DDX60: variants seen among roughly 807,000 people sequenced by gnomAD.
The protein encoded by DDX60 is DExD/H-box helicase 60.
In DDX60, 165 loss-of-function variants were observed where a neutral mutation model predicts 212.8. That is an observed-to-expected ratio of 0.78 (90% confidence interval 0.68 to 0.88). The LOEUF is 0.88. Ranked by LOEUF, DDX60 falls within the 40% of genes least tolerant of loss-of-function variation. The pLI, the probability that DDX60 is intolerant of heterozygous loss-of-function variation, is 0.00. For synonymous variants in DDX60, 703 were observed against 685.3 expected, an observed-to-expected ratio of 1.03 and a Z score of -0.40; for missense variants, 1,905 against 2,003.9, an observed-to-expected ratio of 0.95 and a Z score of 0.94.
chr4:168,311,429 G>A (rs1425431327), intron 1 of DDX60, 64 bp from the exon 2 acceptor site: 2 of 611,690 alleles, frequency 3.3e-6, no homozygotes, highest in Non-Finnish European at 2.9e-6. Flanking sequence ...ACTACTATAT[G>A]TAAAGCAAAA....
chr4:168,273,392 C>T lies in DDX60; in HGVS notation c.2461G>A (p.Val821Ile). Residue 821 changes from valine (V) to isoleucine (I), a missense_variant, in exon 18 of 38, where the codon GTT becomes ATT. By Grantham distance (29) the Val-to-Ile change is conservative (BLOSUM62 3). Transcript: ENST00000393743. ...VVYVAPTKAL[V>I]NQVAATVQNR... The stretch of plus-strand genomic sequence containing the variant: ...TGAACAGTTGCTGCCACTTGATTAA[C>T]AAGGGCCTGATTGACAAAGAAAAAG... The T allele has an allele frequency of 6.2e-7, 1 of 1,613,524 alleles. No homozygotes were observed. Among genetic ancestry groups the T allele is most frequent in the Non-Finnish European group, 8.5e-7 (1 of 1,179,744 alleles).
chr4:168,237,258 A>C, intron 32 of DDX60, 28 bp downstream of exon 32: 1 of 1,469,032 alleles, frequency 6.8e-7, no homozygotes, highest in East Asian at 2.5e-5. Flanking sequence ...CTCTCTCTCT[A>C]CATATATATA....
intron 19 of DDX60, among the ~76,000 whole-genome samples, chr4:168,270,431 T>C (rs1735039598): frequency 6.6e-6 from 1 of 152,256 alleles, no homozygotes; most frequent in South Asian, 2.1e-4. Flanking sequence ...CCTTATGCTT[T>C]GCACTAGATA....
chr4:168,242,291 G>T (rs1733871311), intron 30 of DDX60, among the ~76,000 whole-genome samples: 1 of 152,186 alleles, frequency 6.6e-6, no homozygotes, highest in African/African-American at 2.4e-5. Context: ...ACTGCCTATT[G>T]GAGCTGTGAG....
upstream of DDX60, among the ~76,000 whole-genome samples, chr4:168,321,783 A>T (rs1016221951): frequency 4.6e-5 from 7 of 152,266 alleles, no homozygotes; most frequent in African/African-American, 1.7e-4. Context: ...GTATTTTAAC[A>T]TCTCTTTGTC....
intron 33 of DDX60, among the ~76,000 whole-genome samples, chr4:168,232,915 AACAG>A (rs1733505075): frequency 6.6e-6 from 1 of 152,164 alleles, no homozygotes; most frequent in Admixed American, 6.6e-5. Context: ...CAGCAGAGTA[AACAG>A]ACAGCCCACA....
intron 6 of DDX60, among the ~76,000 whole-genome samples, chr4:168,300,725 A>C (rs1368928168): frequency 6.6e-6 from 1 of 152,160 alleles, no homozygotes; most frequent in Non-Finnish European, 1.5e-5. Flanking sequence ...AATGACTGTA[A>C]CTGTATTACA....
intron 14 of DDX60, among the ~76,000 whole-genome samples, chr4:168,278,115 G>T (rs1332617659): frequency 6.6e-6 from 1 of 152,130 alleles, no homozygotes; most frequent in Non-Finnish European, 1.5e-5. Context: ...TGGCAATTCA[G>T]ATATGCCAAA....
intron 8 of DDX60, among the ~76,000 whole-genome samples, chr4:168,288,842 C>T (rs912486694): frequency 1.3e-5 from 2 of 152,164 alleles, no homozygotes; most frequent in Admixed American, 6.5e-5. Context: ...ATCCCTTCTA[C>T]GATTTGCTTA....
intron 30 of DDX60, among the ~76,000 whole-genome samples, chr4:168,242,641 C>T (rs913609687): frequency 6.6e-6 from 1 of 152,160 alleles, no homozygotes; most frequent in African/African-American, 2.4e-5. Context: ...TGCCTGTACC[C>T]CCACTATATC....
intron 1 of DDX60, among the ~76,000 whole-genome samples, chr4:168,312,847 A>G (rs924757231): frequency 6.6e-6 from 1 of 152,162 alleles, no homozygotes; most frequent in African/African-American, 2.4e-5. Context: ...GCAAGGAAGT[A>G]TATGACTGTA....
intron 19 of DDX60, among the ~76,000 whole-genome samples, chr4:168,269,595 C>T (rs1435774880): frequency 6.6e-6 from 1 of 150,586 alleles, no homozygotes; most frequent in Non-Finnish European, 1.5e-5. Flanking sequence ...AGCGAGACTC[C>T]ATCTCAAAAA....
chr4:168,259,947 C>T (rs1352579043), intron 25 of DDX60, among the ~76,000 whole-genome samples: 1 of 151,420 alleles, frequency 6.6e-6, no homozygotes, highest in South Asian at 2.1e-4. Flanking sequence ...TGCAAAGAAC[C>T]TTTATGTATT....
intron 1 of DDX60, among the ~76,000 whole-genome samples, chr4:168,313,271 A>G (rs1243160885): frequency 6.6e-6 from 1 of 152,208 alleles, no homozygotes; most frequent in Non-Finnish European, 1.5e-5. Context: ...TGAGAGATAT[A>G]GAGAATTACT....
At chr4:168,292,051 T>TTC (rs370470923) in intron 7 of DDX60, 145 bp from the exon 8 acceptor site, 12 of 358,156 alleles carry the variant, frequency 3.4e-5, no homozygotes, top group South Asian at 6.9e-5. Context: ...CTTTCTTTCT[T>TTC]TTTTTTTTTT....
chr4:168,284,915 GAAGT>G lies in DDX60; in HGVS notation c.1462_1465del (p.Thr488HisfsTer20). 6.3e-7 allele frequency: 1 copy of G among 1,590,790 alleles called. No individual in the cohort carries two copies. The highest frequency in any genetic ancestry group is 8.6e-7 in the Non-Finnish European group (1 of 1,164,744). ...ATCAAATTCCTTTTGTTTAACCAGT[GAAGT>G]AACAATAGGATCATCACTGTGAGAC... On this transcript the variant is annotated frameshift_variant, in exon 12 of 38. Coordinates refer to ENST00000393743, the MANE Select transcript of DDX60 (RefSeq NM_017631.6). LOFTEE classifies it high-confidence loss of function.
At chr4:168,301,422 A>G (rs572387781) in intron 6 of DDX60, among the ~76,000 whole-genome samples, 4 of 152,286 alleles carry the variant, frequency 2.6e-5, no homozygotes, top group African/African-American at 9.6e-5. Flanking sequence ...TGATTTCAGA[A>G]AGTTAGAAAG....
chr4:168,250,831 T>G, intron 28 of DDX60, 123 bp downstream of exon 28: 1 of 856,200 alleles, frequency 1.2e-6, no homozygotes, highest in South Asian at 1.9e-5. Context: ...GGCCAACTTA[T>G]TTTTTTAAAA....
intron 30 of DDX60, among the ~76,000 whole-genome samples, chr4:168,241,547 A>T (rs1733838830): frequency 1.3e-5 from 2 of 152,204 alleles, no homozygotes; most frequent in African/African-American, 4.8e-5. Context: ...GTTATGTTTT[A>T]GCAAAAAGAC....
Sources: gnomAD v4.1 joint callset for allele counts (sites outside exome capture counted in the v4.1 genomes callset) on GRCh38, gnomAD v4.1.1 for gene constraint, MANE v1.5 for transcripts, NCBI Gene and HGNC (gene_info 2026-07-23, HGNC 2026-07-21) for gene names.